The following ZFHX3 variants were observed in gnomAD, a reference collection of about 807,000 sequenced individuals.
The protein encoded by ZFHX3 is zinc finger homeobox protein 3.
ZFHX3 carries 42 observed loss-of-function variants against 279.1 expected under a neutral mutation model. That is an observed-to-expected ratio of 0.15 (90% CI 0.12 to 0.19). The LOEUF is 0.19. Among genes scored for constraint, ZFHX3 ranks in the 10% least tolerant of loss-of-function variants. The probability of loss-of-function intolerance (pLI) is 1.00; values close to 1 mark genes in which losing one functional copy is unlikely to be tolerated. For missense variants in ZFHX3, 4,981 were observed against 4,754.0 expected (o/e 1.05, Z -1.40); for synonymous variants, 2,293 against 1,957.8 (o/e 1.17, Z -4.52).
intron 6 of ZFHX3, among the ~76,000 whole-genome samples, chr16:73,139,891 C>G (rs962616219): frequency 6.6e-6 from 1 of 152,148 alleles, no homozygotes; most frequent in African/African-American, 2.4e-5. Context: ...TGAGGGAGAC[C>G]ATGGTACTGC....
At chr16:73,050,929 C>T (rs1048410556), upstream of ZFHX3, among the ~76,000 whole-genome samples, 2 of 152,218 alleles carry the variant, frequency 1.3e-5, no homozygotes, top group African/African-American at 4.8e-5. Context: ...CTCTCCAAGC[C>T]AGAGGCCTGC....
rs76796318 is a variant in ZFHX3 at position 73,147,752 on chromosome 16, C to G, written c.-1103-3921G>C. On this transcript the variant is annotated intron_variant, in intron 5 of 17. Coordinates refer to the ZFHX3 transcript ENST00000641206. Reference sequence around the variant, plus strand: ...AGGCATGATGGTGTGTGCCTGTAGTCCCAGCTATTCCGGAGGCCGAGGTGG... The same window carrying G: ...AGGCATGATGGTGTGTGCCTGTAGTGCCAGCTATTCCGGAGGCCGAGGTGG... 6.5e-4 allele frequency among the ~76,000 whole-genome samples: 96 copies of G among 148,712 alleles called. 1 individual carries two copies. The East Asian group carries it at 0.018, about 28-fold the overall frequency.
At chr16:73,737,342 CT>C (rs1478233677) in intron 1 of ZFHX3, among the ~76,000 whole-genome samples, 1 of 152,130 alleles carries the variant, frequency 6.6e-6, no homozygotes, top group Non-Finnish European at 1.5e-5. Flanking sequence ...CAGCCTGTGA[CT>C]CCATTCTTGA....
chr16:73,644,616 G>T (rs2052601906), intron 2 of ZFHX3, among the ~76,000 whole-genome samples: 1 of 152,130 alleles, frequency 6.6e-6, no homozygotes, highest in Non-Finnish European at 1.5e-5. Context: ...AGCCGAGATT[G>T]TGCCACTGCA....
At chr16:72,792,268 G>GA (rs982443610) in intron 9 of ZFHX3, among the ~76,000 whole-genome samples, 5 of 151,338 alleles carry the variant, frequency 3.3e-5, no homozygotes, top group African/African-American at 1.2e-4. Context: ...TGGGCAAAAG[G>GA]AAAAAAAAGA....
intron 4 of ZFHX3, among the ~76,000 whole-genome samples, chr16:72,850,939 G>C (rs575692188): frequency 2.6e-5 from 4 of 152,100 alleles, no homozygotes; most frequent in East Asian, 1.9e-4. Flanking sequence ...GATGGGGTTG[G>C]GGGGAGAAAG....
chr16:73,011,452 A>T (rs979360300), intron 1 of ZFHX3, among the ~76,000 whole-genome samples: 8 of 152,128 alleles, frequency 5.3e-5, no homozygotes, highest in Non-Finnish European at 8.8e-5. Flanking sequence ...TATTAATATC[A>T]CAAGTCTGGG....
At chr16:73,815,137 T>C in intron 1 of ZFHX3, among the ~76,000 whole-genome samples, 1 of 152,248 alleles carries the variant, frequency 6.6e-6, no homozygotes, top group East Asian at 1.9e-4. Context: ...CAACAAGTAG[T>C]AGAATAATGA....
At chr16:73,606,792 C>A (rs2052189513) in intron 2 of ZFHX3, among the ~76,000 whole-genome samples, 2 of 152,098 alleles carry the variant, frequency 1.3e-5, no homozygotes, top group South Asian at 4.1e-4. Context: ...TCCATGTGTT[C>A]TCATTGGTCA....
chr16:73,027,401 G>A (rs996850886), intron 1 of ZFHX3, among the ~76,000 whole-genome samples: 14 of 152,170 alleles, frequency 9.2e-5, no homozygotes, highest in Non-Finnish European at 1.5e-4. Flanking sequence ...CCAGGCTCCA[G>A]GTATCTGACA....
intron 7 of ZFHX3, among the ~76,000 whole-genome samples, chr16:73,129,143 T>C (rs1966627534): frequency 6.6e-6 from 1 of 152,046 alleles, no homozygotes; most frequent in African/African-American, 2.4e-5. Flanking sequence ...TCCAGCACTT[T>C]GGGAGGCTGA....
At chr16:72,971,156 A>G (rs965613087) in intron 1 of ZFHX3, among the ~76,000 whole-genome samples, 16 of 152,188 alleles carry the variant, frequency 1.1e-4, no homozygotes, top group Non-Finnish European at 2.4e-4. Flanking sequence ...ATGCCATTCA[A>G]TATTCTTCAT....
chr16:73,529,376 T>G (rs1240826875), intron 2 of ZFHX3, among the ~76,000 whole-genome samples: 2 of 152,194 alleles, frequency 1.3e-5, no homozygotes, highest in Admixed American at 1.3e-4. Context: ...AAATATTGTG[T>G]CCGTTCTAGA....
chr16:73,799,917 C>A (rs1960095255), intron 1 of ZFHX3, among the ~76,000 whole-genome samples: 1 of 152,028 alleles, frequency 6.6e-6, no homozygotes, highest in South Asian at 2.1e-4. Context: ...GACTTAAGGC[C>A]AGGTGTAGTG....
chr16:73,058,931 G>T (rs1467098554), exon 1 of ZFHX3: 11 of 170,750 alleles, frequency 6.4e-5, no homozygotes, highest in South Asian at 1.3e-4. Context: ...CGGCGGCGGC[G>T]GCTGCGGCCG....
intron 8 of ZFHX3, among the ~76,000 whole-genome samples, chr16:73,079,275 A>C (rs1334538989): frequency 6.6e-6 from 1 of 151,918 alleles, no homozygotes; most frequent in Non-Finnish European, 1.5e-5. Context: ...GTGTAATCCC[A>C]GCACCTTGGG....
chr16:73,696,591 A>G (rs2053199871), intron 1 of ZFHX3, among the ~76,000 whole-genome samples: 1 of 152,240 alleles, frequency 6.6e-6, no homozygotes, highest in Non-Finnish European at 1.5e-5. Context: ...ATGCACCAAC[A>G]GGGCCTGAAA....
At chr16:73,485,424 GAAAAAAA>G (rs796678890) in intron 2 of ZFHX3, among the ~76,000 whole-genome samples, 14 of 45,258 alleles carry the variant, frequency 3.1e-4, no homozygotes, top group South Asian at 5.4e-4. Context: ...GGGTGAGGGA[GAAAAAAA>G]AAAAAAAAAA....
chr16:73,220,649 A>G (rs890852289), intron 5 of ZFHX3, among the ~76,000 whole-genome samples: 2 of 152,116 alleles, frequency 1.3e-5, no homozygotes, highest in African/African-American at 4.8e-5. Context: ...GTGCTATACA[A>G]AGGCATCTGG....
Sources: allele counts gnomAD v4.1 joint callset (sites outside exome capture counted in the v4.1 genomes callset), GRCh38; gene constraint gnomAD v4.1.1; transcripts MANE v1.5; gene names NCBI Gene and HGNC (gene_info 2026-07-23, HGNC 2026-07-21).